The following AEN variants were observed in gnomAD, a reference collection of about 807,000 sequenced individuals.
AEN encodes apoptosis-enhancing nuclease.
A neutral mutation model predicts 17.7 loss-of-function variants in AEN; 21 were observed. The ratio of observed to expected loss-of-function variants is 1.19; its 90% CI spans 0.84 to 1.71. AEN has a LOEUF of 1.71. Ranked by LOEUF, AEN falls within the 40% of genes most tolerant of loss-of-function variation. AEN has a pLI of 0.00. For missense variants in AEN, 462 were observed against 435.9 expected, an observed-to-expected ratio of 1.06 and a Z score of -0.53; for synonymous variants, 190 against 173.0, an observed-to-expected ratio of 1.10 and a Z score of -0.77.
At chr15:88,615,581 A>G in the AEN span, among the ~76,000 whole-genome samples, 2 of 152,118 alleles carry the variant, frequency 1.3e-5, no homozygotes, top group African/African-American at 2.4e-5. Flanking sequence ...GGCATGCCTC[A>G]GGATTAGCTA....
At chr15:88,621,980 C>T (rs1035754467) in intron 1 of AEN, among the ~76,000 whole-genome samples, 1 of 152,106 alleles carries the variant, frequency 6.6e-6, no homozygotes, top group Admixed American at 6.5e-5. Flanking sequence ...ATTTGGGAAG[C>T]CCTTATCTAA....
chr15:88,605,628 T>C, the AEN span, among the ~76,000 whole-genome samples: 43 of 152,328 alleles, frequency 2.8e-4, no homozygotes, highest in African/African-American at 9.1e-4. This position sits in a 1 kb window ranked among gnomAD's most constrained non-coding sequence, Gnocchi z 7.6. Flanking sequence ...GCGCCGGGGA[T>C]TGCGCCCTGG....
At chr15:88,606,027 TCTCG>T in the AEN span, among the ~76,000 whole-genome samples, 38 of 152,312 alleles carry the variant, frequency 2.5e-4, no homozygotes, top group African/African-American at 9.1e-4. Context: ...GAGCATTCTC[TCTCG>T]CTCTGGCCAC....
In AEN at chr15:88,626,527, G is replaced by A. The variant is rs1040766599; in HGVS notation, c.318G>A (p.Leu106=). The A allele has an allele frequency of 6.2e-7, 1 of 1,614,066 alleles. No individual in the cohort carries two copies. The highest frequency in any genetic ancestry group is 1.3e-5 in the African/African-American group (1 of 74,952). Residue 106 remains leucine, a synonymous_variant, in exon 2 of 4, where the codon TTG becomes TTA. Coordinates refer to ENST00000332810, the MANE Select transcript of AEN (RefSeq NM_022767.4). ...CTCCCGGGAAAGCCTCAGGGCCCTT[G>A]CCCAGCAAGTGTGTGGCTATCGACT... ...RPAPGKASGP[L]PSKCVAIDCE...
Position 88,629,404 on chromosome 15 carries a change from A to G in AEN, c.719A>G (p.Gln240Arg). 1.2e-6 allele frequency: 2 copies of G among 1,613,934 alleles called. No individual in the cohort carries two copies. The highest frequency in any genetic ancestry group is 2.2e-5 in the East Asian group (1 of 44,872). The change falls in exon 3 of 4, where the codon CAG becomes CGG. Residue 240 changes from glutamine to arginine, a missense_variant. Physicochemically the swap from Gln to Arg is conservative, Grantham distance 43. Transcript: ENST00000332810. ...ARVSLKDLAL[Q>R]LLHKKIQVGQ... ...GTCTCTCTAAAGGACCTGGCCCTGC[A>G]GCTGCTGCACAAGAAGATCCAGGTG...
chr15:88,606,022 TTC>T, the AEN span, among the ~76,000 whole-genome samples: 1 of 152,196 alleles, frequency 6.6e-6, no homozygotes, highest in Non-Finnish European at 1.5e-5. Context: ...TAGGAGAGCA[TTC>T]TCTCTCGCTC....
At chr15:88,615,272 G>C in the AEN span, among the ~76,000 whole-genome samples, 3 of 152,112 alleles carry the variant, frequency 2.0e-5, no homozygotes, top group Non-Finnish European at 2.9e-5. Context: ...AGCAAGGAAC[G>C]GCAGAGAATA....
chr15:88,628,744 TA>T (rs1022902384), intron 2 of AEN: 11 of 152,934 alleles, frequency 7.2e-5, no homozygotes, highest in East Asian at 1.9e-4. Flanking sequence ...AGATAGGCAT[TA>T]AAAAAAAAGA....
chr15:88,615,393 AG>A, the AEN span, among the ~76,000 whole-genome samples: 1 of 152,090 alleles, frequency 6.6e-6, no homozygotes, highest in East Asian at 1.9e-4. Flanking sequence ...GAGGGTACAA[AG>A]GTACCTTAAT....
chr15:88,621,405 G>C (rs1036922886), intron 1 of AEN, 23 bp downstream of exon 1: 4 of 152,352 alleles, frequency 2.6e-5, no homozygotes, highest in African/African-American at 4.8e-5. Context: ...ACCCTGCACC[G>C]GGGCGGCGGG....
At position 88,630,538 on chromosome 15, in the gene AEN, C is replaced by T; in HGVS notation, c.*244C>T. ...GGTTTTGCTAATGGCACTTTACAGA[C>T]TCCATGGAGATGTCAGGTGGACCAT... On this transcript the variant is annotated 3_prime_UTR_variant, in exon 4 of 4. Coordinates refer to ENST00000332810, the MANE Select transcript of AEN (RefSeq NM_022767.4). The surrounding 1 kb of genome is among the most constrained non-coding windows in gnomAD (Gnocchi z 5.1). 5.8e-6 allele frequency: 3 copies of T among 519,530 alleles called. No homozygotes were observed. Among genetic ancestry groups the T allele is most frequent in the South Asian group, 2.2e-5 (1 of 44,478 alleles). 32.2% of individuals were successfully genotyped at this position (519,530 alleles called of 1,614,324 possible). A position where few individuals can be genotyped will look rare whatever the true frequency, so the allele number is the denominator to read the frequency against.
At chr15:88,611,432 C>CT in the AEN span, among the ~76,000 whole-genome samples, 2 of 82,024 alleles carry the variant, frequency 2.4e-5, no homozygotes, top group African/African-American at 5.0e-5. Flanking sequence ...CTTGTCTTTA[C>CT]TAAAAAAAAA....
At chr15:88,623,547 C>G (rs555928894) in intron 1 of AEN, among the ~76,000 whole-genome samples, 1 of 152,324 alleles carries the variant, frequency 6.6e-6, no homozygotes, top group East Asian at 1.9e-4. Context: ...AAGGCTCTAA[C>G]CTGCCTTCTT....
At chr15:88,607,297 T>C in the AEN span, among the ~76,000 whole-genome samples, 73,057 of 152,136 alleles carry the variant, frequency 0.48, 18,036 homozygotes, top group East Asian at 0.72. Flanking sequence ...AAGCTTCTAA[T>C]CCTCTGAGTT....
At position 88,626,118 on chromosome 15, in the gene AEN, C is replaced by T. The variant is rs150754156; in HGVS notation, c.-64-28C>T. The T allele has an allele frequency of 2.1e-3, 2,978 of 1,398,528 alleles. 4 individuals are homozygous for T. The highest frequency in any genetic ancestry group is 2.6e-3 in the Non-Finnish European group (2,761 of 1,059,208). The allele number at this position is 1,398,528 out of a possible 1,614,324, so 86.6% of individuals were successfully genotyped here. On this transcript the variant is annotated intron_variant, in intron 1 of 3. Coordinates refer to ENST00000332810, the MANE Select transcript of AEN (RefSeq NM_022767.4). Reference sequence around the variant, plus strand: ...GGCTGCCTGGCACACTCTCACCCAGCCCCTCTGCCTGTGTGTTCTCTCTTC... The same window carrying T: ...GGCTGCCTGGCACACTCTCACCCAGTCCCTCTGCCTGTGTGTTCTCTCTTC...
the AEN span, among the ~76,000 whole-genome samples, chr15:88,614,943 A>G: frequency 6.6e-6 from 1 of 152,088 alleles, no homozygotes; most frequent in Non-Finnish European, 1.5e-5. Context: ...GCTGGAGTGC[A>G]GTGGCGCGAT....
In AEN at chr15:88,626,480, G is replaced by C. The variant is rs920525929; in HGVS notation, c.271G>C (p.Ala91Pro). 6.2e-7 allele frequency: 1 copy of C among 1,613,906 alleles called. No individual in the cohort carries two copies. The highest frequency in any genetic ancestry group is 1.3e-5 in the African/African-American group (1 of 74,930). The change falls in exon 2 of 4, where the codon GCC (alanine) becomes CCC (proline). Residue 91 changes from alanine to proline, a missense_variant. By Grantham distance (27) the Ala-to-Pro change is conservative (BLOSUM62 -1). Transcript: ENST00000332810. ...GTGTCTGAGGGCTGGATCTGGCAGTGCCCCATGCAGCAGAAGGCCTGCTCC... is the reference window on the plus strand; with the variant it reads ...GTGTCTGAGGGCTGGATCTGGCAGTCCCCCATGCAGCAGAAGGCCTGCTCC... ...KQCLRAGSGS[A>P]PCSRRPAPGK...
At chr15:88,621,028 C>T (rs530436652), upstream of AEN, among the ~76,000 whole-genome samples, 1 of 152,280 alleles carries the variant, frequency 6.6e-6, no homozygotes, top group East Asian at 1.9e-4. Flanking sequence ...TGGTACCAGG[C>T]TTACAGGAGC....
chr15:88,623,531 A>G (rs112863283), intron 1 of AEN, among the ~76,000 whole-genome samples: 8,218 of 152,270 alleles, frequency 0.054, 272 homozygotes, highest in Middle Eastern at 0.085. Context: ...TGGGGAAGGT[A>G]CAATCAAGGC....
Sources: allele counts gnomAD v4.1 joint callset (sites outside exome capture counted in the v4.1 genomes callset), GRCh38; gene constraint gnomAD v4.1.1; non-coding constraint Gnocchi (gnomAD v3.1); transcripts MANE v1.5; gene names NCBI Gene and HGNC (gene_info 2026-07-23, HGNC 2026-07-21).